Variants in PRTG observed in about 807,000 individuals in gnomAD.
PRTG encodes immunoglobulin superfamily, DCC subclass, member 5.
A neutral mutation model predicts 122.5 loss-of-function variants in PRTG; 67 were observed. That is an observed-to-expected ratio of 0.55 (90% CI 0.45 to 0.67). The LOEUF (loss-of-function observed/expected upper bound fraction) is 0.67. PRTG is among the 30% of genes least tolerant of loss of function. The pLI is 0.00. For synonymous variants in PRTG, 554 were observed against 501.1 expected, an observed-to-expected ratio of 1.11 and a Z score of -1.41; for missense variants, 1,435 against 1,415.4, an observed-to-expected ratio of 1.01 and a Z score of -0.22.
At chr15:55,700,218 T>TC (rs1345688772) in intron 2 of PRTG, among the ~76,000 whole-genome samples, 1 of 152,156 alleles carries the variant, frequency 6.6e-6, no homozygotes, top group African/African-American at 2.4e-5. Context: ...GATAGTCTGT[T>TC]CAACAAACTG....
intron 11 of PRTG, among the ~76,000 whole-genome samples, chr15:55,645,361 G>A (rs113027843): frequency 4.5e-4 from 62 of 137,698 alleles, no homozygotes; most frequent in South Asian, 7.5e-4. Context: ...GTGAACCCGG[G>A]AGGCGGAGCT....
intron 13 of PRTG, among the ~76,000 whole-genome samples, chr15:55,639,291 C>G (rs2059276164): frequency 6.6e-6 from 1 of 152,128 alleles, no homozygotes; most frequent in Non-Finnish European, 1.5e-5. Flanking sequence ...AACCTAGAAA[C>G]AGAAAGACAA....
chr15:55,624,310 C>T (rs199800585), intron 18 of PRTG, 32 bp downstream of exon 18: 36 of 1,598,230 alleles, frequency 2.3e-5, no homozygotes, highest in Middle Eastern at 3.5e-4. Context: ...AATGGAAGAA[C>T]GGCTTATGCA....
At position 55,620,017 on chromosome 15, in the gene PRTG, G is replaced by T; in HGVS notation, c.3448C>A (p.Leu1150Ile). Residue 1150 changes from leucine to isoleucine, a missense_variant, in exon 20 of 20, where the codon CTC (leucine) becomes ATC (isoleucine). By Grantham distance (5) the Leu-to-Ile change is conservative. Transcript: ENST00000389286. ...AATCACTGCCAGTGAAAGAATCAGAGGTTGGGGGGTGTGGTACTTATAACT... is the reference window on the plus strand; with the variant it reads ...AATCACTGCCAGTGAAAGAATCAGATGTTGGGGGGTGTGGTACTTATAACT... ...SSVISTTPPN[L>I] is the part of the protein sequence containing the mutation. 6.2e-7 allele frequency: 1 copy of T among 1,614,082 alleles called. No individual in the cohort carries two copies. The highest frequency in any genetic ancestry group is 1.3e-5 in the African/African-American group (1 of 75,040).
intron 2 of PRTG, among the ~76,000 whole-genome samples, chr15:55,714,696 A>G (rs1161210663): frequency 2.0e-5 from 3 of 152,130 alleles, no homozygotes; most frequent in African/African-American, 7.2e-5. Context: ...AACTCTCTTA[A>G]CCACTTATAC....
chr15:55,656,228 G>A (rs1049157704), intron 11 of PRTG: 1 of 386,538 alleles, frequency 2.6e-6, no homozygotes, highest in African/African-American at 2.1e-5. Context: ...GCTCCACATC[G>A]TGTCTCCATC....
At chr15:55,717,880 A>G (rs2141863531) in intron 2 of PRTG, among the ~76,000 whole-genome samples, 1 of 152,328 alleles carries the variant, frequency 6.6e-6, no homozygotes, top group South Asian at 2.1e-4. Context: ...TTGCTCACAC[A>G]AAGCCTGTTT....
At chr15:55,705,801 C>A (rs2030082564) in intron 2 of PRTG, among the ~76,000 whole-genome samples, 1 of 151,806 alleles carries the variant, frequency 6.6e-6, no homozygotes, top group South Asian at 2.1e-4. Flanking sequence ...ACATTCCACA[C>A]CACTCTCCAA....
In PRTG at chr15:55,617,918, C is replaced by T. The variant is rs558968598; in HGVS notation, c.*2094G>A. On this transcript the variant is annotated 3_prime_UTR_variant, in exon 20 of 20. Coordinates refer to ENST00000389286, the MANE Select transcript of PRTG (RefSeq NM_173814.6). The stretch of plus-strand genomic sequence containing the variant: ...ATACTTCTACTTACCAACCACAAAG[C>T]GCTATACCCTGTCAATCTGCCTATG... 2 of 152,214 alleles carry T rather than the reference C, an allele frequency of 1.3e-5. No individual in the cohort carries two copies. The highest frequency in any genetic ancestry group is 2.9e-5 in the Non-Finnish European group (2 of 68,008). The allele number at this position is 152,214 out of a possible 1,614,324, so 9.4% of individuals were successfully genotyped here.
intron 15 of PRTG, among the ~76,000 whole-genome samples, chr15:55,630,776 A>G (rs1277915105): frequency 6.6e-6 from 1 of 152,190 alleles, no homozygotes; most frequent in East Asian, 1.9e-4. Context: ...TAGAAATTCA[A>G]CCAGAAAGTT....
At chr15:55,719,219 G>C (rs1243412136) in intron 2 of PRTG, among the ~76,000 whole-genome samples, 1 of 152,074 alleles carries the variant, frequency 6.6e-6, no homozygotes, top group Non-Finnish European at 1.5e-5. Flanking sequence ...TGTCCTAATT[G>C]ATTTTACTAA....
In PRTG at chr15:55,627,084, T is replaced by A. The variant is rs1186701557; in HGVS notation, c.2851A>T (p.Ile951Phe). ...YHLDQKSMTGIAVGVGIALTC... is the reference protein window; with the variant it reads ...YHLDQKSMTGFAVGVGIALTC... ...AAGGCTATGCCAACACCTACAGCAATGCCAGTCATTGATTTTTGGTCCAGA... is the reference window on the plus strand; with the variant it reads ...AAGGCTATGCCAACACCTACAGCAAAGCCAGTCATTGATTTTTGGTCCAGA... Residue 951 changes from isoleucine to phenylalanine, a missense_variant, in exon 17 of 20, where the codon ATT becomes TTT. Ile to Phe is a conservative substitution (Grantham distance 21). Coordinates refer to ENST00000389286, the MANE Select transcript of PRTG (RefSeq NM_173814.6). 1 of 1,609,240 alleles carries A rather than the reference T, an allele frequency of 6.2e-7. No homozygotes were observed. Among genetic ancestry groups the A allele is most frequent in the Non-Finnish European group, 8.5e-7 (1 of 1,176,120 alleles).
At chr15:55,677,733 G>A (rs903666640) in intron 8 of PRTG, 64 bp downstream of exon 8, 41 of 1,494,402 alleles carry the variant, frequency 2.7e-5, no homozygotes, top group African/African-American at 9.7e-5. Context: ...GGCATTATTC[G>A]TACTGAAAAC....
chr15:55,630,077 C>G (rs1335347979), intron 15 of PRTG, among the ~76,000 whole-genome samples: 1 of 151,784 alleles, frequency 6.6e-6, no homozygotes, highest in Non-Finnish European at 1.5e-5. Context: ...AGCTCCGCCG[C>G]CCAGGTTCAC....
chr15:55,728,105 ATC>A (rs2031100960), intron 2 of PRTG, among the ~76,000 whole-genome samples: 1 of 152,226 alleles, frequency 6.6e-6, no homozygotes, highest in East Asian at 1.9e-4. Flanking sequence ...AGCTCAGGCA[ATC>A]CGCCCACCTC....
At chr15:55,656,278 T>C (rs2059379375) in intron 11 of PRTG, 2 of 448,534 alleles carry the variant, frequency 4.5e-6, no homozygotes, top group Non-Finnish European at 8.9e-6. Flanking sequence ...TCTCCAAGGA[T>C]GGCATTTCCA....
At chr15:55,701,290 A>C (rs1373930204) in intron 2 of PRTG, among the ~76,000 whole-genome samples, 3 of 152,132 alleles carry the variant, frequency 2.0e-5, no homozygotes. Context: ...TAATCCCAGC[A>C]CTTTGGGAGG....
intron 15 of PRTG, among the ~76,000 whole-genome samples, chr15:55,629,373 A>ATG (rs1491345628): frequency 0.018 from 956 of 53,940 alleles, 5 homozygotes; most frequent in South Asian, 0.025. Context: ...ATATATATAT[A>ATG]TATGTGTGTG....
chr15:55,731,759 A>C (rs2031242030), intron 2 of PRTG, among the ~76,000 whole-genome samples: 1 of 152,192 alleles, frequency 6.6e-6, no homozygotes, highest in Non-Finnish European at 1.5e-5. Flanking sequence ...CAAAACTCTC[A>C]AGATAAAGTC....
Sources: allele counts gnomAD v4.1 joint callset (sites outside exome capture counted in the v4.1 genomes callset), GRCh38; gene constraint gnomAD v4.1.1; transcripts MANE v1.5; gene names NCBI Gene and HGNC (gene_info 2026-07-23, HGNC 2026-07-21).